The following NUAK1 variants were observed in gnomAD, a reference collection of about 807,000 sequenced individuals.
NUAK1 encodes the protein NUAK family kinase 1.
Under a neutral mutation model 56.9 loss-of-function variants are expected in NUAK1, and 26 were observed. The ratio of observed to expected loss-of-function variants is 0.46; its 90% confidence interval spans 0.33 to 0.63. The LOEUF is 0.63. Ranked by LOEUF, NUAK1 falls within the 30% of genes least tolerant of loss-of-function variation. NUAK1 has a pLI of 0.02. For missense variants in NUAK1, 727 were observed against 876.1 expected, an observed-to-expected ratio of 0.83 and a Z score of 2.15; for synonymous variants, 337 against 336.0, an observed-to-expected ratio of 1.00 and a Z score of -0.03.
Position 106,070,852 on chromosome 12 carries a change from G to A in NUAK1, c.754C>T (p.Pro252Ser), listed in dbSNP as rs1177821671. Residue 252 changes from proline to serine, a missense_variant, in exon 6 of 7, where the codon CCC becomes TCC. Physicochemically the swap from Pro to Ser is moderately conservative, Grantham distance 74. Transcript: ENST00000261402. ...TTTTTGTGATCGAAACCATCGAAGG[G>A]CATTGTTCCATAAACAAGAGTGTAA... ...LLYTLVYGTM[P>S]FDGFDHKNLI... 6 of 1,614,040 alleles carry A rather than the reference G, an allele frequency of 3.7e-6. No homozygotes were observed. In the Admixed American group the frequency reaches 6.7e-5, roughly 18 times the overall value.
chr12:106,095,306 C>G (rs1301284534), intron 2 of NUAK1, among the ~76,000 whole-genome samples: 1 of 152,186 alleles, frequency 6.6e-6, no homozygotes, highest in Admixed American at 6.5e-5. Context: ...AGCATGCTCC[C>G]CAATTCTGGC....
intron 2 of NUAK1, 122 bp downstream of exon 2, chr12:106,106,283 G>C: frequency 1.2e-6 from 1 of 831,430 alleles, no homozygotes; most frequent in Non-Finnish European, 1.8e-6. Flanking sequence ...GACTATTTTT[G>C]CATCATGAGG....
chr12:106,072,682 C>T, intron 5 of NUAK1, 42 bp downstream of exon 5: 2 of 1,569,958 alleles, frequency 1.3e-6, no homozygotes, highest in East Asian at 2.3e-5. Context: ...CCCTCTTCTC[C>T]CTCCCCTCCC....
At chr12:106,084,906 A>T (rs191623846) in intron 3 of NUAK1, among the ~76,000 whole-genome samples, 1 of 152,316 alleles carries the variant, frequency 6.6e-6, no homozygotes, top group East Asian at 1.9e-4. Flanking sequence ...TTTTGAGCAA[A>T]CCAACAGGCA....
rs149170320 is a variant in NUAK1 at position 106,083,717 on chromosome 12, G to A, written c.579+147C>T. 642 of 669,852 alleles carry A rather than the reference G, an allele frequency of 9.6e-4. 6 individuals carry two copies. In the African/African-American group the frequency reaches 0.011, roughly 11 times the overall value. 41.5% of individuals were successfully genotyped at this position (669,852 alleles called of 1,614,324 possible). The stretch of plus-strand genomic sequence containing the variant: ...CATTTAATTGTTTGAACTGGACTTG[G>A]AGCTCAAGCAAAGAGACTCTTCCCC... On this transcript the variant is annotated intron_variant, in intron 4 of 6. Coordinates refer to ENST00000261402, the MANE Select transcript of NUAK1 (RefSeq NM_014840.3).
At chr12:106,094,695 C>T (rs79268104) in intron 2 of NUAK1, among the ~76,000 whole-genome samples, 3,191 of 152,226 alleles carry the variant, frequency 0.021, 110 homozygotes, top group African/African-American at 0.074. Flanking sequence ...CTGGCATGCC[C>T]GAAGAAAACC....
intron 1 of NUAK1, among the ~76,000 whole-genome samples, chr12:106,114,483 A>G (rs778619750): frequency 5.9e-5 from 9 of 152,220 alleles, no homozygotes; most frequent in Admixed American, 6.5e-5. Flanking sequence ...GAAGGCAGAG[A>G]AGGCAAATAG....
chr12:106,112,603 C>A (rs907779423), intron 1 of NUAK1, among the ~76,000 whole-genome samples: 1 of 152,208 alleles, frequency 6.6e-6, no homozygotes, highest in Non-Finnish European at 1.5e-5. Context: ...CAGAACAACA[C>A]CCCAGCAAGT....
At chr12:106,114,537 A>G (rs2136476161) in intron 1 of NUAK1, among the ~76,000 whole-genome samples, 1 of 152,308 alleles carries the variant, frequency 6.6e-6, no homozygotes, top group Non-Finnish European at 1.5e-5. Flanking sequence ...TCATGAGTAG[A>G]TGTTAGAGCT....
rs150807348 is a variant in NUAK1, at chr12:106,123,638, T to C, written c.240+14776A>G. Among the ~76,000 whole-genome samples the C allele has an allele frequency of 2.8e-3, 431 of 152,256 alleles. 4 individuals are homozygous for C. The highest frequency in any genetic ancestry group is 9.4e-3 in the African/African-American group (392 of 41,544). Reference sequence around the variant, plus strand: ...CAGATGCCCTAATGTTCTCTGGCTCTGGGAATTGAAAGAACAAGGTCAGGT... The same window carrying C: ...CAGATGCCCTAATGTTCTCTGGCTCCGGGAATTGAAAGAACAAGGTCAGGT... On this transcript the variant is annotated intron_variant, in intron 1 of 6. Transcript: ENST00000261402.
intron 1 of NUAK1, among the ~76,000 whole-genome samples, chr12:106,111,204 AT>A (rs2032855448): frequency 6.6e-6 from 1 of 152,180 alleles, no homozygotes; most frequent in African/African-American, 2.4e-5. Context: ...AGCACACAGT[AT>A]TCACTGAATG....
At chr12:106,075,960 G>GT (rs2032460961) in intron 4 of NUAK1, among the ~76,000 whole-genome samples, 1 of 152,188 alleles carries the variant, frequency 6.6e-6, no homozygotes, top group African/African-American at 2.4e-5. Flanking sequence ...TCTATTCATG[G>GT]TAAGTGATAC....
At chr12:106,079,832 T>C (rs1042887615) in intron 4 of NUAK1, among the ~76,000 whole-genome samples, 11 of 152,234 alleles carry the variant, frequency 7.2e-5, no homozygotes, top group Admixed American at 3.3e-4. Context: ...TCACGGCTCA[T>C]TATCACTGCT....
In NUAK1 at chr12:106,135,604, T is replaced by A. The variant is rs547087115; in HGVS notation, c.240+2810A>T. On this transcript the variant is annotated intron_variant, in intron 1 of 6. Transcript: ENST00000261402. ...CATACAACCCCATACTCGGCACCTG[T>A]CTTGGGCCACTCACATTAGTAAAAC... 2.0e-5 allele frequency among the ~76,000 whole-genome samples: 3 copies of A among 152,302 alleles called. No homozygotes were observed. In the East Asian group the frequency reaches 5.8e-4, roughly 29 times the overall value.
chr12:106,093,452 C>T (rs1038901705), intron 2 of NUAK1, among the ~76,000 whole-genome samples: 1 of 152,228 alleles, frequency 6.6e-6, no homozygotes, highest in Admixed American at 6.5e-5. Flanking sequence ...TCCCGTTCTG[C>T]CCTCTGATCA....
At chr12:106,070,961 C>A in intron 5 of NUAK1, 55 bp from the exon 6 acceptor site, 1 of 1,601,494 alleles carries the variant, frequency 6.2e-7, no homozygotes. Flanking sequence ...CCCAAGATGC[C>A]TTCCAAACCA....
At chr12:106,116,224 A>G (rs1352139481) in intron 1 of NUAK1, among the ~76,000 whole-genome samples, 1 of 152,216 alleles carries the variant, frequency 6.6e-6, no homozygotes, top group African/African-American at 2.4e-5. Flanking sequence ...AGAAAACCAT[A>G]GTGGGACATC....
rs1301355377 is a variant in NUAK1 at position 106,070,904 on chromosome 12, C to T, written c.702G>A (p.Val234=). 6.2e-7 allele frequency: 1 copy of T among 1,614,054 alleles called. No homozygotes were observed. The highest frequency in any genetic ancestry group is 1.7e-5 in the Admixed American group (1 of 60,024). ...GCAACACACCCAGGGCCCAGCTGTCCACCTGGAGCAGAGAGACAGCACATA... is the reference window on the plus strand; with the variant it reads ...GCAACACACCCAGGGCCCAGCTGTCTACCTGGAGCAGAGAGACAGCACATA... ...VNGRPYRGPE[V]DSWALGVLLY... The change falls in exon 6 of 7, where the codon GTG becomes GTA. Residue 234 remains valine (V), a splice_region_variant and synonymous_variant. Coordinates refer to ENST00000261402, the MANE Select transcript of NUAK1 (RefSeq NM_014840.3).
intron 1 of NUAK1, among the ~76,000 whole-genome samples, chr12:106,127,896 C>G (rs2033038905): frequency 6.6e-6 from 1 of 152,142 alleles, no homozygotes; most frequent in South Asian, 2.1e-4. Context: ...CAGGGACAGA[C>G]AGGACCAAGA....
Sources: allele counts gnomAD v4.1 joint callset (sites outside exome capture counted in the v4.1 genomes callset), GRCh38; gene constraint gnomAD v4.1.1; transcripts MANE v1.5; gene names NCBI Gene and HGNC (gene_info 2026-07-23, HGNC 2026-07-21).